Variants in WWC1 observed in about 807,000 individuals in gnomAD.
WWC1 encodes the protein protein KIBRA.
A neutral mutation model predicts 138.4 loss-of-function variants in WWC1; 55 were observed. The observed-to-expected ratio is 0.40, with a 90% confidence interval of 0.32 to 0.50. The LOEUF (loss-of-function observed/expected upper bound fraction) is 0.50. Among genes scored for constraint, WWC1 ranks in the 20% least tolerant of loss-of-function variants. The pLI is 0.72. For missense variants in WWC1, 1,226 were observed against 1,420.4 expected, an observed-to-expected ratio of 0.86 and a Z score of 2.20; for synonymous variants, 524 against 564.9, an observed-to-expected ratio of 0.93 and a Z score of 1.03.
chr5:168,410,646 C>T (rs1278921186), intron 8 of WWC1, among the ~76,000 whole-genome samples: 1 of 152,170 alleles, frequency 6.6e-6, no homozygotes, highest in Admixed American at 6.5e-5. Flanking sequence ...TTAATTGATC[C>T]TCCCACCTCA....
At chr5:168,330,340 A>G (rs1772924836) in intron 1 of WWC1, among the ~76,000 whole-genome samples, 2 of 152,092 alleles carry the variant, frequency 1.3e-5, no homozygotes, top group Non-Finnish European at 2.9e-5. Context: ...ATCCTTGAAA[A>G]ACTGGGATGT....
In WWC1 at chr5:168,358,118, G is replaced by A. The variant is rs1008431245; in HGVS notation, c.120-13306G>A. ...TCCAGACATGTCAGCTGCAGCATCC[G>A]GAACAGGTCTCAGGAAGGCCCTGTC... On this transcript the variant is annotated intron_variant, in intron 1 of 22. Coordinates refer to ENST00000265293, the MANE Select transcript of WWC1 (RefSeq NM_015238.3). 3.9e-5 allele frequency among the ~76,000 whole-genome samples: 6 copies of A among 152,208 alleles called. No homozygotes were observed. The East Asian group carries it at 7.7e-4, about 20-fold the overall frequency.
chr5:168,355,845 CA>C (rs1259901854), intron 1 of WWC1, among the ~76,000 whole-genome samples: 1 of 151,648 alleles, frequency 6.6e-6, no homozygotes, highest in Non-Finnish European at 1.5e-5. Context: ...AGAAAATAAA[CA>C]GCTGGAGAAG....
At chr5:168,315,732 G>A (rs1370386466) in intron 1 of WWC1, among the ~76,000 whole-genome samples, 1 of 152,108 alleles carries the variant, frequency 6.6e-6, no homozygotes, top group African/African-American at 2.4e-5. Flanking sequence ...GGCAACGGAA[G>A]GGCTACAGAG....
Position 168,441,670 on chromosome 5 carries a change from C to T in WWC1, c.2281-12C>T. 6.2e-7 allele frequency: 1 copy of T among 1,612,724 alleles called. No individual in the cohort carries two copies. The highest frequency in any genetic ancestry group is 1.7e-4 in the Middle Eastern group (1 of 6,054). Reference sequence around the variant, plus strand: ...CCGCCACTTATGTTCTCCTTGTTTCCATCCCCAACAGGGAGGCGCCCAGAT... The same window carrying T: ...CCGCCACTTATGTTCTCCTTGTTTCTATCCCCAACAGGGAGGCGCCCAGAT... On this transcript the variant is annotated splice_polypyrimidine_tract_variant and intron_variant, in intron 15 of 22. Transcript: ENST00000265293.
chr5:168,455,652 T>C, intron 19 of WWC1, 132 bp downstream of exon 19: 1 of 1,183,892 alleles, frequency 8.4e-7, no homozygotes. Flanking sequence ...AGCCTCAGTT[T>C]CCTCAGGTGG....
chr5:168,400,250 G>T (rs1157541790), intron 5 of WWC1, among the ~76,000 whole-genome samples: 2 of 151,962 alleles, frequency 1.3e-5, no homozygotes, highest in African/African-American at 2.4e-5. Context: ...GTGTCATGGG[G>T]GTTTGTTGTA....
intron 16 of WWC1, among the ~76,000 whole-genome samples, chr5:168,442,871 A>G (rs1754910299): frequency 6.6e-6 from 1 of 151,736 alleles, no homozygotes; most frequent in Non-Finnish European, 1.5e-5. Context: ...AAAAAAGCTT[A>G]TATTTGCTTA....
intron 1 of WWC1, among the ~76,000 whole-genome samples, chr5:168,295,592 A>G (rs1769472538): frequency 1.3e-5 from 2 of 151,866 alleles, no homozygotes; most frequent in Non-Finnish European, 2.9e-5. Context: ...AAAAGAAGTA[A>G]GTCAAATGGT....
At chr5:168,326,952 G>T (rs1380814396) in intron 1 of WWC1, among the ~76,000 whole-genome samples, 2 of 152,202 alleles carry the variant, frequency 1.3e-5, no homozygotes, top group Non-Finnish European at 2.9e-5. Flanking sequence ...AGAGCCTTTG[G>T]TGGTTGAGGT....
intron 19 of WWC1, among the ~76,000 whole-genome samples, chr5:168,459,271 A>AAAAAG (rs1554117283): frequency 1.4e-5 from 2 of 147,778 alleles, no homozygotes; most frequent in East Asian, 1.9e-4. Flanking sequence ...AAAAAAAAAA[A>AAAAAG]AAAGAAAGAA....
At chr5:168,424,786 A>G (rs986848949) in intron 11 of WWC1, among the ~76,000 whole-genome samples, 8 of 152,192 alleles carry the variant, frequency 5.3e-5, no homozygotes, top group African/African-American at 1.9e-4. Flanking sequence ...TTTGGATTTT[A>G]TCCTAATTGC....
At chr5:168,361,505 T>G (rs2152800204) in intron 1 of WWC1, among the ~76,000 whole-genome samples, 1 of 152,302 alleles carries the variant, frequency 6.6e-6, no homozygotes, top group South Asian at 2.1e-4. Flanking sequence ...TAGGGTTAGT[T>G]AGCCTGGGAA....
At chr5:168,405,156 T>G (rs1258700616) in intron 5 of WWC1, among the ~76,000 whole-genome samples, 1 of 152,186 alleles carries the variant, frequency 6.6e-6, no homozygotes, top group Non-Finnish European at 1.5e-5. Context: ...AGGGTCATCC[T>G]AGTAATAGGT....
At chr5:168,404,749 A>G (rs1490802449) in intron 5 of WWC1, among the ~76,000 whole-genome samples, 1 of 152,120 alleles carries the variant, frequency 6.6e-6, no homozygotes, top group Non-Finnish European at 1.5e-5. Context: ...CCTCAGGCCT[A>G]GCCTTTGGCG....
chr5:168,419,212 T>C (rs1036926201), intron 9 of WWC1, among the ~76,000 whole-genome samples: 1 of 152,154 alleles, frequency 6.6e-6, no homozygotes, highest in African/African-American at 2.4e-5. Context: ...GTATCCTAGT[T>C]TCACTCCCTA....
intron 1 of WWC1, among the ~76,000 whole-genome samples, chr5:168,346,116 CT>C (rs1307095162): frequency 1.3e-5 from 2 of 152,072 alleles, no homozygotes; most frequent in Non-Finnish European, 2.9e-5. Context: ...ATGCCCAGCC[CT>C]GGCTCTCCCT....
chr5:168,425,872 A>G (rs563074523), intron 11 of WWC1, among the ~76,000 whole-genome samples: 1 of 152,298 alleles, frequency 6.6e-6, no homozygotes, highest in African/African-American at 2.4e-5. Context: ...GGTTAGTCCC[A>G]CAGAGTGAAA....
chr5:168,400,029 C>T (rs762461773), intron 5 of WWC1, among the ~76,000 whole-genome samples: 1 of 152,210 alleles, frequency 6.6e-6, no homozygotes, highest in Non-Finnish European at 1.5e-5. Flanking sequence ...AAACCAATTA[C>T]TAGAAAAGTA....
Sources: gnomAD v4.1 joint callset for allele counts (sites outside exome capture counted in the v4.1 genomes callset) on GRCh38, gnomAD v4.1.1 for gene constraint, MANE v1.5 for transcripts, NCBI Gene and HGNC (gene_info 2026-07-23, HGNC 2026-07-21) for gene names.